Variants in YTHDC1 observed in about 807,000 individuals in gnomAD.
The protein encoded by YTHDC1 is YTH domain-containing protein 1.
A neutral mutation model predicts 107.0 loss-of-function variants in YTHDC1; 12 were observed. The ratio of observed to expected loss-of-function variants is 0.11; its 90% CI spans 0.07 to 0.18. YTHDC1 has a LOEUF of 0.18. Ranked by LOEUF, YTHDC1 falls within the 10% of genes least tolerant of loss-of-function variation. The pLI is 1.00. For synonymous variants in YTHDC1, 280 were observed against 289.5 expected, an observed-to-expected ratio of 0.97 and a Z score of 0.33; for missense variants, 635 against 898.8, an observed-to-expected ratio of 0.71 and a Z score of 3.75.
chr4:68,336,823 G>C (rs1227330288), intron 4 of YTHDC1, among the ~76,000 whole-genome samples: 1 of 152,148 alleles, frequency 6.6e-6, no homozygotes, highest in Non-Finnish European at 1.5e-5. Flanking sequence ...CCATTCTGTA[G>C]CTAGGAAATG....
Position 68,337,713 on chromosome 4 carries a change from G to A in YTHDC1, c.318C>T (p.Asn106=). ...KNEEYQRSER[N]KRLDADRKIR... ...TTTTCCGATCAGCATCTAGACGCTT[G>A]TTTCTTTCAGATCTTTGATATTCCT... Residue 106 remains asparagine (N), a synonymous_variant, in exon 3 of 17, where the codon AAC becomes AAT. Coordinates refer to ENST00000344157, the MANE Select transcript of YTHDC1 (RefSeq NM_001031732.4). 6.2e-7 allele frequency: 1 copy of A among 1,614,042 alleles called. No individual in the cohort carries two copies. The highest frequency in any genetic ancestry group is 1.1e-5 in the South Asian group (1 of 91,080).
chr4:68,318,125 T>C (rs575221091), intron 15 of YTHDC1, among the ~76,000 whole-genome samples: 13 of 152,246 alleles, frequency 8.5e-5, no homozygotes, highest in Admixed American at 3.3e-4. Context: ...TGAGATGGAG[T>C]CTCCCTCTGT....
rs556224710 is a variant in YTHDC1, at chr4:68,337,749, C to T, written c.282G>A (p.Glu94=). 3.7e-6 allele frequency: 6 copies of T among 1,614,116 alleles called. No homozygotes were observed. The highest frequency in any genetic ancestry group is 5.1e-6 in the Non-Finnish European group (6 of 1,180,022). ...IVSTKGKSAT[E]YKNEEYQRSE... is the part of the protein sequence containing the mutation. ...ATCTTTGATATTCCTCATTTTTATA[C>T]TCTGTGGCTGACTTTCCTTTTGTAC... is the stretch of plus-strand genomic sequence containing the variant. The change falls in exon 3 of 17, where the codon GAG becomes GAA. Residue 94 remains glutamate, a synonymous_variant. Transcript: ENST00000344157.
rs143669866 is a variant in YTHDC1 at position 68,321,775 on chromosome 4, T to C, written c.1601+974A>G. 5.9e-3 allele frequency among the ~76,000 whole-genome samples: 901 copies of C among 152,282 alleles called. 11 individuals carry two copies. Among genetic ancestry groups the C allele is most frequent in the African/African-American group, 0.02 (849 of 41,562 alleles). ...ATGTCTCCACCAAAAGGAAATTTAA[T>C]CAAAGGTTTCATCCCATCAACCATA... On this transcript the variant is annotated intron_variant, in intron 11 of 16. Coordinates refer to ENST00000344157, the MANE Select transcript of YTHDC1 (RefSeq NM_001031732.4).
In YTHDC1 at chr4:68,311,032, G is replaced by T. The variant is rs141084331; in HGVS notation, c.*3067C>A. 16 of 152,268 alleles carry T rather than the reference G, an allele frequency of 1.1e-4. 1 individual carries two copies. The highest frequency in any genetic ancestry group is 3.6e-4 in the African/African-American group (15 of 41,544). 9.4% of individuals were successfully genotyped at this position (152,268 alleles called of 1,614,324 possible). A position where few individuals can be genotyped will look rare whatever the true frequency, so the allele number is the denominator to read the frequency against. ...TAAATTTCCTCTGTCCATGTCTTTT[G>T]GAGACTGTCCTTCCTGATGTAATCC... On this transcript the variant is annotated 3_prime_UTR_variant, in exon 17 of 17. Transcript: ENST00000344157.
At position 68,337,208 on chromosome 4, in the gene YTHDC1, TTCC is replaced by T. The variant is rs566379464; in HGVS notation, c.699_701del (p.Glu249del). 2.9e-3 allele frequency: 4,593 copies of T among 1,589,110 alleles called. 11 individuals are homozygous for T. Among genetic ancestry groups the T allele is most frequent in the Non-Finnish European group, 3.4e-3 (3,920 of 1,158,572 alleles). On this transcript the variant is annotated inframe_deletion, in exon 4 of 17. Coordinates refer to ENST00000344157, the MANE Select transcript of YTHDC1 (RefSeq NM_001031732.4). ...CCTCCTCCTCTTCCTCCTCCTCCTCTTCCTCCTCCTCCTCTCCATCTTCATCCA... is the reference window on the plus strand; with the variant it reads ...CCTCCTCCTCTTCCTCCTCCTCCTCTTCCTCCTCCTCTCCATCTTCATCCA...
At position 68,332,032 on chromosome 4, in the gene YTHDC1, ATAATAC is replaced by A. The variant is rs1401819232; in HGVS notation, c.1122+65_1122+70del. The A allele has an allele frequency of 2.9e-4, 275 of 938,488 alleles. 1 individual carries two copies. The African/African-American group carries it at 4.2e-3, about 14-fold the overall frequency. The allele number at this position is 938,488 out of a possible 1,614,324, so 58.1% of individuals were successfully genotyped here. On this transcript the variant is annotated intron_variant, in intron 7 of 16. Coordinates refer to ENST00000344157, the MANE Select transcript of YTHDC1 (RefSeq NM_001031732.4). ...AATCATAATACCTATGCTACTTGAT[ATAATAC>A]AAGTCTATTTTCCCATTTAAAAATT...
intron 1 of YTHDC1, among the ~76,000 whole-genome samples, chr4:68,340,867 T>C (rs1440595209): frequency 1.3e-5 from 2 of 152,106 alleles, no homozygotes; most frequent in African/African-American, 2.4e-5. Context: ...AGAATGTTAA[T>C]TTAAATAAAT....
Position 68,313,523 on chromosome 4 carries a change from T to C in YTHDC1, c.*576A>G, listed in dbSNP as rs1721475512. ...AAAGATTAAAAATTAGATAGCAATGTCTTCTTAATATTGCTCTCGTCATTG... is the reference window on the plus strand; with the variant it reads ...AAAGATTAAAAATTAGATAGCAATGCCTTCTTAATATTGCTCTCGTCATTG... On this transcript the variant is annotated 3_prime_UTR_variant, in exon 17 of 17. Coordinates refer to ENST00000344157, the MANE Select transcript of YTHDC1 (RefSeq NM_001031732.4). The C allele has an allele frequency of 6.5e-6, 1 of 152,756 alleles. No homozygotes were observed. The highest frequency in any genetic ancestry group is 1.5e-5 in the Non-Finnish European group (1 of 68,262). The allele number at this position is 152,756 out of a possible 1,614,324, so 9.5% of individuals were successfully genotyped here. A position where few individuals can be genotyped will look rare whatever the true frequency, so the allele number is the denominator to read the frequency against.
chr4:68,320,055 GTTTTTAAT>G (rs530884063), intron 12 of YTHDC1, 60 bp downstream of exon 12: 271 of 1,391,920 alleles, frequency 1.9e-4, no homozygotes, highest in Non-Finnish European at 2.5e-4. Context: ...TGTGAGGGTT[GTTTTTAAT>G]TTTTTAATTT....
rs112822610 is a variant in YTHDC1 at position 68,347,450 on chromosome 4, A to G, written c.28+2276T>C. Among the ~76,000 whole-genome samples, 618 of 152,264 alleles carry G rather than the reference A, an allele frequency of 4.1e-3. 5 individuals are homozygous for G. Among genetic ancestry groups the G allele is most frequent in the African/African-American group, 0.013 (556 of 41,550 alleles). ...GGGAGCTAGCAATCTGTCCACTTAT[A>G]TGGGCTGCAGCTTCTAGGTATGAGT... On this transcript the variant is annotated intron_variant, in intron 1 of 16. Transcript: ENST00000344157.
At chr4:68,346,806 T>G (rs909781221) in intron 1 of YTHDC1, among the ~76,000 whole-genome samples, 3 of 152,172 alleles carry the variant, frequency 2.0e-5, no homozygotes, top group African/African-American at 7.2e-5. Context: ...GTGGTTGATC[T>G]CTTACAGTCC....
chr4:68,320,063 T>C, intron 12 of YTHDC1, 60 bp downstream of exon 12: 4 of 1,454,456 alleles, frequency 2.8e-6, no homozygotes, highest in Middle Eastern at 2.3e-4. Flanking sequence ...TTGTTTTTAA[T>C]TTTTTAATTT....
At chr4:68,335,681 C>T (rs1193336039) in intron 4 of YTHDC1, among the ~76,000 whole-genome samples, 1 of 152,056 alleles carries the variant, frequency 6.6e-6, no homozygotes, top group East Asian at 1.9e-4. Flanking sequence ...TGGTTTCATA[C>T]ATTCTCCACA....
In YTHDC1 at chr4:68,320,007, C is replaced by T. The variant is rs187696094; in HGVS notation, c.1684+116G>A. On this transcript the variant is annotated intron_variant, in intron 12 of 16. Transcript: ENST00000344157. ...TAAAATTTCTCAAGATTTAAGTAGT[C>T]AGGTCCTGAATTTTTTTCACTTTTA... 1.5e-5 allele frequency: 12 copies of T among 801,670 alleles called. No individual in the cohort carries two copies. In the African/African-American group the frequency reaches 1.8e-4, roughly 12 times the overall value. 49.7% of individuals were successfully genotyped at this position (801,670 alleles called of 1,614,324 possible). A position where few individuals can be genotyped will look rare whatever the true frequency, so the allele number is the denominator to read the frequency against.
Position 68,337,300 on chromosome 4 carries a change from C to T in YTHDC1, c.610G>A (p.Gly204Arg). 6.2e-7 allele frequency: 1 copy of T among 1,613,838 alleles called. No homozygotes were observed. The highest frequency in any genetic ancestry group is 8.5e-7 in the Non-Finnish European group (1 of 1,179,888). Reference sequence around the variant, plus strand: ...TCTTCCTCCACATCTTCTTCCACTCCTTCCTCCTCATTCTCAGTGTTGTTC... The same window carrying T: ...TCTTCCTCCACATCTTCTTCCACTCTTTCCTCCTCATTCTCAGTGTTGTTC... ...QGNNTENEEE[G>R]VEEDVEEDEE... is the part of the protein sequence containing the mutation. The change falls in exon 4 of 17, where the codon GGA (glycine) becomes AGA (arginine). Residue 204 changes from glycine to arginine, a missense_variant. By Grantham distance (125) the Gly-to-Arg change is moderately radical. Around this residue, in one of 5 missense-constraint regions of YTHDC1, gnomAD observed 294 missense variants for 312.3 expected, o/e 0.94. Coordinates refer to ENST00000344157, the MANE Select transcript of YTHDC1 (RefSeq NM_001031732.4).
chr4:68,327,248 AAAGAAAAAT>A (rs1256719700), intron 9 of YTHDC1, among the ~76,000 whole-genome samples: 3 of 152,078 alleles, frequency 2.0e-5, no homozygotes, highest in African/African-American at 7.2e-5. Flanking sequence ...AAAGAAAAGA[AAAGAAAAAT>A]GGAGAGACTC....
rs1383289858 is a variant in YTHDC1, at chr4:68,320,220, C to G, written c.1602-15G>C. On this transcript the variant is annotated splice_polypyrimidine_tract_variant and intron_variant, in intron 11 of 16. Transcript: ENST00000344157. ...CTGGTCGACGCCTACACAAATTAGACACATTAGAAATTAAACCAAAAACTG... is the reference window on the plus strand; with the variant it reads ...CTGGTCGACGCCTACACAAATTAGAGACATTAGAAATTAAACCAAAAACTG... 1 of 1,587,698 alleles carries G rather than the reference C, an allele frequency of 6.3e-7. No homozygotes were observed. The highest frequency in any genetic ancestry group is 8.5e-7 in the Non-Finnish European group (1 of 1,171,876).
chr4:68,324,697 G>A (rs1410897630), intron 9 of YTHDC1, among the ~76,000 whole-genome samples: 1 of 152,062 alleles, frequency 6.6e-6, no homozygotes, highest in Non-Finnish European at 1.5e-5. Context: ...TCATTTGGAG[G>A]GTGCTTTCCC....
Sources: allele counts gnomAD v4.1 joint callset (sites outside exome capture counted in the v4.1 genomes callset), GRCh38; gene constraint gnomAD v4.1.1; regional missense constraint gnomAD v4.1.1; transcripts MANE v1.5; gene names NCBI Gene and HGNC (gene_info 2026-07-23, HGNC 2026-07-21).